Variants in FAM210B observed in about 807,000 individuals in gnomAD.
The protein encoded by FAM210B is mitochondrial inner membrane scaffold 2.
Under a neutral mutation model 14.9 loss-of-function variants are expected in FAM210B, and 11 were observed. That is an observed-to-expected ratio of 0.74 (90% CI 0.46 to 1.22). The LOEUF is 1.22. Ranked by LOEUF, FAM210B falls within the 50% of genes most tolerant of loss-of-function variation. The pLI is 0.00. For missense variants in FAM210B, 229 were observed against 250.1 expected, an observed-to-expected ratio of 0.92 and a Z score of 0.57; for synonymous variants, 113 against 110.2, an observed-to-expected ratio of 1.03 and a Z score of -0.16.
At position 56,363,550 on chromosome 20, in the gene FAM210B, C is replaced by G. The variant is rs1236099385; in HGVS notation, c.187-1537C>G. The stretch of plus-strand genomic sequence containing the variant: ...CCTCCAGCCAGGTGCGCATCACCTG[C>G]CGGGACAAGCCCCAGGACTGTCCTT... On this transcript the variant is annotated intron_variant, in intron 1 of 2. Transcript: ENST00000371384. This position sits in a 1 kb window ranked among gnomAD's most constrained non-coding sequence, Gnocchi z 4.1. 6.6e-6 allele frequency among the ~76,000 whole-genome samples: 1 copy of G among 152,218 alleles called. No individual in the cohort carries two copies. Among genetic ancestry groups the G allele is most frequent in the Non-Finnish European group, 1.5e-5 (1 of 68,032 alleles).
chr20:56,368,083 C>T lies in FAM210B; in HGVS notation c.*1796C>T, dbSNP rs781768276. On this transcript the variant is annotated 3_prime_UTR_variant, in exon 3 of 3. Coordinates refer to ENST00000371384, the MANE Select transcript of FAM210B (RefSeq NM_080821.3). ...AGGACAATTTCTCCACCTGCAAGGT[C>T]TTTCAGGTAGAACTCTTCTTTTAAG... is the stretch of plus-strand genomic sequence containing the variant. 10 of 152,636 alleles carry T rather than the reference C, an allele frequency of 6.6e-5. No homozygotes were observed. The highest frequency in any genetic ancestry group is 1.3e-4 in the Non-Finnish European group (9 of 68,042). The allele number at this position is 152,636 out of a possible 1,614,324, so 9.5% of individuals were successfully genotyped here. A position where few individuals can be genotyped will look rare whatever the true frequency, so the allele number is the denominator to read the frequency against.
chr20:56,364,024 G>A (rs1450039317), intron 1 of FAM210B, among the ~76,000 whole-genome samples: 1 of 152,174 alleles, frequency 6.6e-6, no homozygotes, highest in African/African-American at 2.4e-5. Context: ...CTGAAGGTTG[G>A]CATGAGGATG....
At position 56,358,979 on chromosome 20, in the gene FAM210B, C is replaced by T. The variant is rs1429377426; in HGVS notation, c.-27C>T. 23 of 1,197,272 alleles carry T rather than the reference C, an allele frequency of 1.9e-5. No individual in the cohort carries two copies. The highest frequency in any genetic ancestry group is 2.4e-5 in the Non-Finnish European group (23 of 967,602). 74.2% of individuals were successfully genotyped at this position (1,197,272 alleles called of 1,614,324 possible). On this transcript the variant is annotated 5_prime_UTR_variant, in exon 1 of 3. Coordinates refer to ENST00000371384, the MANE Select transcript of FAM210B (RefSeq NM_080821.3). ...CTCCGCCCGCCTCCCGGGTCAGCGG[C>T]GCGGGTGCTGCGCCTAGCTGCGCAC...
chr20:56,365,133 C>G lies in FAM210B; in HGVS notation c.233C>G (p.Thr78Arg). Reference protein sequence around the residue: ...TGTTGSSVSCTEEKKQSKSQQ... With the variant: ...TGTTGSSVSCREEKKQSKSQQ... ...ACAACAGGCAGCAGCGTCAGCTGCACAGAGGAGAAAAAGCAAAGCAAGTCA... is the reference window on the plus strand; with the variant it reads ...ACAACAGGCAGCAGCGTCAGCTGCAGAGAGGAGAAAAAGCAAAGCAAGTCA... Residue 78 changes from threonine (T) to arginine (R), a missense_variant, in exon 2 of 3, where the codon ACA (threonine) becomes AGA (arginine). Transcript: ENST00000371384. The G allele has an allele frequency of 1.2e-6, 2 of 1,613,938 alleles. No homozygotes were observed. Among genetic ancestry groups the G allele is most frequent in the Non-Finnish European group, 1.7e-6 (2 of 1,180,014 alleles).
chr20:56,361,004 C>T (rs944112112), intron 1 of FAM210B, among the ~76,000 whole-genome samples: 1 of 152,228 alleles, frequency 6.6e-6, no homozygotes, highest in Non-Finnish European at 1.5e-5. Context: ...GGCCCACCCA[C>T]GCTGCCTTGG....
chr20:56,363,035 C>G lies in FAM210B; in HGVS notation c.187-2052C>G, dbSNP rs1440478195. Among the ~76,000 whole-genome samples, 1 of 152,218 alleles carries G rather than the reference C, an allele frequency of 6.6e-6. No individual in the cohort carries two copies. The highest frequency in any genetic ancestry group is 2.4e-5 in the African/African-American group (1 of 41,460). On this transcript the variant is annotated intron_variant, in intron 1 of 2. Coordinates refer to ENST00000371384, the MANE Select transcript of FAM210B (RefSeq NM_080821.3). The surrounding 1 kb of genome is among the most constrained non-coding windows in gnomAD (Gnocchi z 4.1). ...AAGAACCGATGCCCTCCACAGCCATCCTGGCCGGGGGTGGCAGGACTAGTC... is the reference window on the plus strand; with the variant it reads ...AAGAACCGATGCCCTCCACAGCCATGCTGGCCGGGGGTGGCAGGACTAGTC...
intron 1 of FAM210B, among the ~76,000 whole-genome samples, chr20:56,360,866 C>T (rs1036517834): frequency 5.3e-5 from 8 of 152,202 alleles, no homozygotes; most frequent in Non-Finnish European, 1.0e-4. Context: ...CAGGGAGGGT[C>T]TGGGCTTGGC....
At chr20:56,364,955 A>G in intron 1 of FAM210B, 132 bp from the exon 2 acceptor site, 2 of 905,006 alleles carry the variant, frequency 2.2e-6, no homozygotes, top group Admixed American at 3.2e-5. Context: ...CTCTGTCTCA[A>G]AAGAAAAAGG....
Position 56,359,003 on chromosome 20 carries a change from A to G in FAM210B, c.-3A>G. Reference sequence around the variant, plus strand: ...GCGCGGGTGCTGCGCCTAGCTGCGCACCATGGCCGGGTTGCTGGCGTTGCT... The same window carrying G: ...GCGCGGGTGCTGCGCCTAGCTGCGCGCCATGGCCGGGTTGCTGGCGTTGCT... On this transcript the variant is annotated 5_prime_UTR_variant, in exon 1 of 3. Transcript: ENST00000371384. The surrounding 1 kb of genome is among the most constrained non-coding windows in gnomAD (Gnocchi z 4.3). 2 of 1,295,720 alleles carry G rather than the reference A, an allele frequency of 1.5e-6. No homozygotes were observed. The highest frequency in any genetic ancestry group is 9.8e-7 in the Non-Finnish European group (1 of 1,017,310). 80.3% of individuals were successfully genotyped at this position (1,295,720 alleles called of 1,614,324 possible).
chr20:56,365,044 G>T, intron 1 of FAM210B, 43 bp from the exon 2 acceptor site: 1 of 1,578,460 alleles, frequency 6.3e-7, no homozygotes. Context: ...ATGACTGCCC[G>T]TGCCTGCCCT....
At position 56,368,276 on chromosome 20, in the gene FAM210B, T is replaced by C. The variant is rs1476620271; in HGVS notation, c.*1989T>C. The C allele has an allele frequency of 1.3e-4, 19 of 150,256 alleles. 1 individual carries two copies. Among genetic ancestry groups the C allele is most frequent in the African/African-American group, 4.7e-4 (19 of 40,336 alleles). 9.3% of individuals were successfully genotyped at this position (150,256 alleles called of 1,614,324 possible). ...TTTAAAGCAATTCCTTGGCTTCGGC[T>C]CCTCACCACTTTCTATGCCAGTCTC... On this transcript the variant is annotated 3_prime_UTR_variant, in exon 3 of 3. Coordinates refer to ENST00000371384, the MANE Select transcript of FAM210B (RefSeq NM_080821.3).
Position 56,368,171 on chromosome 20 carries a change from A to T in FAM210B, c.*1884A>T, listed in dbSNP as rs1245491929. 1.3e-5 allele frequency: 2 copies of T among 152,630 alleles called. No individual in the cohort carries two copies. The highest frequency in any genetic ancestry group is 2.9e-5 in the Non-Finnish European group (2 of 68,044). The allele number at this position is 152,630 out of a possible 1,614,324, so 9.5% of individuals were successfully genotyped here. On this transcript the variant is annotated 3_prime_UTR_variant, in exon 3 of 3. Coordinates refer to ENST00000371384, the MANE Select transcript of FAM210B (RefSeq NM_080821.3). ...AGCTGTCTTTCTGAGATCTAATTCC[A>T]AGGACTTCTCCACAGCTAAGTGAGA...
At position 56,367,579 on chromosome 20, in the gene FAM210B, T is replaced by G. The variant is rs1235582294; in HGVS notation, c.*1292T>G. On this transcript the variant is annotated 3_prime_UTR_variant, in exon 3 of 3. Transcript: ENST00000371384. ...TGAACCCAGGAGGTGGAGGTTGCAG[T>G]GAGCCAAGATCACACCACTGCACTC... 6.6e-6 allele frequency: 1 copy of G among 152,414 alleles called. No individual in the cohort carries two copies. The highest frequency in any genetic ancestry group is 1.5e-5 in the Non-Finnish European group (1 of 68,226). The allele number at this position is 152,414 out of a possible 1,614,324, so 9.4% of individuals were successfully genotyped here.
At chr20:56,366,012 C>A in intron 2 of FAM210B, 59 bp from the exon 3 acceptor site, 1 of 1,317,942 alleles carries the variant, frequency 7.6e-7, no homozygotes. Flanking sequence ...ATAGCCAAAT[C>A]AATTTCTTCA....
Position 56,365,082 on chromosome 20 carries a change from C to T in FAM210B, c.187-5C>T, listed in dbSNP as rs200165566. The T allele has an allele frequency of 1.2e-4, 195 of 1,611,552 alleles. 3 individuals carry two copies. In the South Asian group the frequency reaches 1.4e-3, roughly 12 times the overall value. On this transcript the variant is annotated splice_region_variant and splice_polypyrimidine_tract_variant and intron_variant, in intron 1 of 2. Transcript: ENST00000371384. ...AGCACCTCCTCTTCTCTGATTTGTA[C>T]ACAGGACCCCAGCCAGGCCACGGGG...
intron 1 of FAM210B, among the ~76,000 whole-genome samples, chr20:56,364,876 C>A (rs1011124789): frequency 3.3e-5 from 5 of 152,016 alleles, no homozygotes; most frequent in Admixed American, 1.3e-4. Context: ...ATCCTTTGAA[C>A]CAGGGAGGTG....
chr20:56,359,137 C>T lies in FAM210B; in HGVS notation c.132C>T (p.Pro44=), dbSNP rs1207190198. The change falls in exon 1 of 3, where the codon CCC becomes CCT. Residue 44 remains proline (P), a synonymous_variant. Coordinates refer to ENST00000371384, the MANE Select transcript of FAM210B (RefSeq NM_080821.3). The surrounding 1 kb of genome is among the most constrained non-coding windows in gnomAD (Gnocchi z 4.3). ...CCCTGGCCCTGGCCCTGCTCCCGCC[C>T]AGGCTAGACGCCCGGCTGCTCCGCA... ...PPPLALALLP[P]RLDARLLRTA... 2 of 1,271,954 alleles carry T rather than the reference C, an allele frequency of 1.6e-6. No homozygotes were observed. Among genetic ancestry groups the T allele is most frequent in the Non-Finnish European group, 2.0e-6 (2 of 1,015,860 alleles). The allele number at this position is 1,271,954 out of a possible 1,614,324, so 78.8% of individuals were successfully genotyped here.
chr20:56,359,342 A>C lies in FAM210B; in HGVS notation c.186+151A>C. The C allele has an allele frequency of 5.3e-6, 4 of 757,958 alleles. No homozygotes were observed. The highest frequency in any genetic ancestry group is 7.1e-6 in the Non-Finnish European group (4 of 565,514). 47.0% of individuals were successfully genotyped at this position (757,958 alleles called of 1,614,324 possible). A position where few individuals can be genotyped will look rare whatever the true frequency, so the allele number is the denominator to read the frequency against. On this transcript the variant is annotated intron_variant, in intron 1 of 2. Coordinates refer to ENST00000371384, the MANE Select transcript of FAM210B (RefSeq NM_080821.3). The surrounding 1 kb of genome is among the most constrained non-coding windows in gnomAD (Gnocchi z 4.3). Reference sequence around the variant, plus strand: ...CTCTTCCAGGGTCCCCGAAACCCCAAATCCCTGCAAGCCAAGGAAGCGATC... The same window carrying C: ...CTCTTCCAGGGTCCCCGAAACCCCACATCCCTGCAAGCCAAGGAAGCGATC...
chr20:56,365,312 T>G (rs374994425), intron 2 of FAM210B, 50 bp downstream of exon 2: 2 of 1,573,940 alleles, frequency 1.3e-6, no homozygotes, highest in South Asian at 2.3e-5. Context: ...TCATGTAAGA[T>G]TCTATGTGAA....
Sources: gnomAD v4.1 joint callset for allele counts (sites outside exome capture counted in the v4.1 genomes callset) on GRCh38, gnomAD v4.1.1 for gene constraint, Gnocchi (gnomAD v3.1) non-coding constraint, MANE v1.5 for transcripts, NCBI Gene and HGNC (gene_info 2026-07-23, HGNC 2026-07-21) for gene names.